ZFHX4: variants seen among roughly 807,000 people sequenced by gnomAD.
The protein encoded by ZFHX4 is zinc finger homeobox protein 4.
A neutral mutation model predicts 267.6 loss-of-function variants in ZFHX4; 56 were observed. The ratio of observed to expected loss-of-function variants is 0.21; its 90% CI spans 0.17 to 0.26. ZFHX4 has a LOEUF of 0.26. Among genes scored for constraint, ZFHX4 ranks in the 10% least tolerant of loss-of-function variants. The pLI, the probability that ZFHX4 is intolerant of heterozygous loss-of-function variation, is 1.00. For synonymous variants in ZFHX4, 1,778 were observed against 1,665.6 expected (o/e 1.07, Z -1.64); for missense variants, 4,332 against 4,420.0 (o/e 0.98, Z 0.56).
At chr8:76,831,710 G>A (rs922081252) in intron 4 of ZFHX4, among the ~76,000 whole-genome samples, 2 of 152,124 alleles carry the variant, frequency 1.3e-5, no homozygotes, top group African/African-American at 4.8e-5. Context: ...AAACATACAT[G>A]TAAGCTAATC....
chr8:76,759,917 G>A (rs566964291), intron 3 of ZFHX4, among the ~76,000 whole-genome samples: 3 of 152,218 alleles, frequency 2.0e-5, no homozygotes, highest in Non-Finnish European at 4.4e-5. Context: ...AATGATCTAA[G>A]TGATCAACTC....
intron 3 of ZFHX4, among the ~76,000 whole-genome samples, chr8:76,708,941 G>C (rs1349934973): frequency 6.6e-6 from 1 of 152,090 alleles, no homozygotes. Context: ...TTAAAATTCA[G>C]AAAATATTGC....
chr8:76,814,476 T>G (rs780798612), intron 4 of ZFHX4, among the ~76,000 whole-genome samples: 31 of 152,214 alleles, frequency 2.0e-4, no homozygotes, highest in Non-Finnish European at 4.4e-4. Flanking sequence ...TGGCTTCTTG[T>G]AATTGTCTAC....
At chr8:76,773,637 C>A (rs1810327424) in intron 3 of ZFHX4, among the ~76,000 whole-genome samples, 1 of 152,034 alleles carries the variant, frequency 6.6e-6, no homozygotes, top group South Asian at 2.1e-4. Flanking sequence ...ATTGTTAAAT[C>A]CTGGAAGATG....
chr8:76,688,007 G>T (rs941766375), intron 1 of ZFHX4, among the ~76,000 whole-genome samples: 1 of 152,106 alleles, frequency 6.6e-6, no homozygotes, highest in Non-Finnish European at 1.5e-5. Flanking sequence ...ACAAGCAGGG[G>T]CTCAGATTTC....
chr8:76,825,282 C>T lies in ZFHX4; in HGVS notation c.3326-8056C>T, dbSNP rs545619250. Among the ~76,000 whole-genome samples, 142 of 152,298 alleles carry T rather than the reference C, an allele frequency of 9.3e-4. 2 individuals are homozygous for T. The South Asian group carries it at 0.028, about 30-fold the overall frequency. On this transcript the variant is annotated intron_variant, in intron 4 of 10. Transcript: ENST00000651372. The stretch of plus-strand genomic sequence containing the variant: ...AACTTTGCTCCTTAATACCATCCTG[C>T]AAACTTATTATTGTTTCCACTTTCA...
rs777012448 is a variant in ZFHX4, at chr8:76,852,725, G to A, written c.5804G>A (p.Gly1935Asp). 8.1e-6 allele frequency: 13 copies of A among 1,613,712 alleles called. No homozygotes were observed. In the African/African-American group the frequency reaches 1.6e-4, roughly 20 times the overall value. ...AACAGGCAGAAGGTACAGAAGAAGG[G>A]CAAAAGTGGTGAAGGCGAAAACACT... ...NENRQKVQKK[G>D]KSGEGENTDK... The change falls in exon 10 of 11, where the codon GGC becomes GAC. Residue 1935 changes from glycine (G) to aspartate (D), a missense_variant. Transcript: ENST00000651372.
At chr8:76,847,553 A>G (rs1224073877) in intron 6 of ZFHX4, among the ~76,000 whole-genome samples, 1 of 152,072 alleles carries the variant, frequency 6.6e-6, no homozygotes, top group Non-Finnish European at 1.5e-5. Flanking sequence ...CTTTGCATTA[A>G]TTCTGTATCT....
intron 4 of ZFHX4, 39 bp downstream of exon 4, chr8:76,778,478 C>T (rs763661153): frequency 6.7e-7 from 1 of 1,490,042 alleles, no homozygotes; most frequent in South Asian, 1.1e-5. Context: ...GAGCCTCCCT[C>T]CACACCACTT....
chr8:76,851,067 A>C lies in ZFHX4; in HGVS notation c.4146A>C (p.Gln1382His), dbSNP rs779410741. The C allele has an allele frequency of 6.2e-7, 1 of 1,613,986 alleles. No individual in the cohort carries two copies. The highest frequency in any genetic ancestry group is 1.1e-5 in the South Asian group (1 of 91,082). The change falls in exon 10 of 11, where the codon CAA becomes CAC. Residue 1382 changes from glutamine to histidine, a missense_variant. Transcript: ENST00000651372. The part of the protein sequence containing the change: ...DTLQDQLNEQ[Q>H]KRQPLSVSDR... ...TGCAAGATCAATTAAATGAACAGCA[A>C]AAAAGGCAACCGCTCTCTGTTTCTG...
chr8:76,765,317 T>C (rs1810023737), intron 3 of ZFHX4, among the ~76,000 whole-genome samples: 1 of 152,178 alleles, frequency 6.6e-6, no homozygotes, highest in South Asian at 2.1e-4. Flanking sequence ...AAATGTTAAC[T>C]ATACCTATTT....
At chr8:76,777,299 C>G (rs1419381337) in intron 3 of ZFHX4, among the ~76,000 whole-genome samples, 1 of 151,954 alleles carries the variant, frequency 6.6e-6, no homozygotes, top group South Asian at 2.1e-4. Flanking sequence ...TTGAAAAAAT[C>G]AGAATTTAAG....
intron 3 of ZFHX4, among the ~76,000 whole-genome samples, chr8:76,741,858 A>G (rs904112175): frequency 3.3e-5 from 5 of 152,216 alleles, no homozygotes; most frequent in Admixed American, 1.3e-4. Flanking sequence ...TTCAGAGATG[A>G]CCATGCTCTT....
Position 76,863,249 on chromosome 8 carries a change from G to C in ZFHX4, c.9535G>C (p.Gly3179Arg). 1.2e-6 allele frequency: 2 copies of C among 1,600,952 alleles called. No individual in the cohort carries two copies. The highest frequency in any genetic ancestry group is 1.7e-6 in the Non-Finnish European group (2 of 1,173,234). ...PPPPPSSSLS[G>R]QQTEQQNKES... is the part of the protein sequence containing the mutation. Reference sequence around the variant, plus strand: ...TCCTCCTCCTTCATCCTCTCTGTCAGGACAGCAGACCGAGCAACAGAACAA... The same window carrying C: ...TCCTCCTCCTTCATCCTCTCTGTCACGACAGCAGACCGAGCAACAGAACAA... The change falls in exon 11 of 11, where the codon GGA becomes CGA. Residue 3179 changes from glycine to arginine, a missense_variant. Coordinates refer to ENST00000651372, the MANE Select transcript of ZFHX4 (RefSeq NM_024721.5).
chr8:76,826,148 A>T (rs1162477370), intron 4 of ZFHX4, among the ~76,000 whole-genome samples: 1 of 152,242 alleles, frequency 6.6e-6, no homozygotes, highest in Admixed American at 6.5e-5. Flanking sequence ...AAGCAGGCAC[A>T]TCACATGGCA....
chr8:76,854,911 C>A lies in ZFHX4; in HGVS notation c.7990C>A (p.Gln2664Lys). 6.2e-7 allele frequency: 1 copy of A among 1,613,622 alleles called. No homozygotes were observed. ...TACACGAGCGCGGGAGAGGAAAGGC[C>A]AGTTCCGGGCGGTGGGTCCAGCACA... ...QNTRARERKGQFRAVGPAQSH... is the reference protein window; with the variant it reads ...QNTRARERKGKFRAVGPAQSH... Residue 2664 changes from glutamine (Q) to lysine (K), a missense_variant, in exon 10 of 11, where the codon CAG becomes AAG. Gln to Lys is a moderately conservative substitution (Grantham distance 53). This residue lies in a region of ZFHX4 where 1,648 missense variants were observed against 1,625.0 expected (regional missense o/e 1.01). Coordinates refer to ENST00000651372, the MANE Select transcript of ZFHX4 (RefSeq NM_024721.5).
At chr8:76,807,968 A>G (rs1283358991) in intron 4 of ZFHX4, among the ~76,000 whole-genome samples, 3 of 152,170 alleles carry the variant, frequency 2.0e-5, no homozygotes, top group Non-Finnish European at 4.4e-5. Flanking sequence ...ATAAAATATA[A>G]TAACTGGTAG....
At chr8:76,790,113 G>A (rs534636190) in intron 4 of ZFHX4, among the ~76,000 whole-genome samples, 2 of 152,022 alleles carry the variant, frequency 1.3e-5, no homozygotes, top group African/African-American at 4.8e-5. Flanking sequence ...ATCTGAATGT[G>A]GTTTTAGAAA....
At chr8:76,778,933 A>G (rs1810476376) in intron 4 of ZFHX4, among the ~76,000 whole-genome samples, 1 of 152,188 alleles carries the variant, frequency 6.6e-6, no homozygotes, top group Non-Finnish European at 1.5e-5. Context: ...TCCAATGTTA[A>G]TGCTACTTTG....
Sources: gnomAD v4.1 joint callset for allele counts (sites outside exome capture counted in the v4.1 genomes callset) on GRCh38, gnomAD v4.1.1 for gene constraint, gnomAD v4.1.1 regional missense constraint, MANE v1.5 for transcripts, NCBI Gene and HGNC (gene_info 2026-07-23, HGNC 2026-07-21) for gene names.